The following CXXC5 variants were observed in gnomAD, a reference collection of about 807,000 sequenced individuals.
CXXC5 encodes CXXC finger protein 5, also known as CXXC-type zinc finger protein 5.
In CXXC5, 2 loss-of-function variants were observed where a neutral mutation model predicts 17.6. The ratio of observed to expected loss-of-function variants is 0.11; its 90% confidence interval spans 0.05 to 0.36. The LOEUF (loss-of-function observed/expected upper bound fraction) is 0.36, where lower values mean the gene tolerates loss of function less well. Among genes scored for constraint, CXXC5 ranks in the 10% least tolerant of loss-of-function variants. The pLI is 1.00. For missense variants in CXXC5, 343 were observed against 458.3 expected, an observed-to-expected ratio of 0.75 and a Z score of 2.30; for synonymous variants, 171 against 193.0, an observed-to-expected ratio of 0.89 and a Z score of 0.94.
In CXXC5 at chr5:139,655,028, G is replaced by T. The variant is rs541369324; in HGVS notation, c.-161+6183G>T. ...GGGAAGGAGAAGCTGGATGTCTCCC[G>T]CTCCTTCCCCAGGAGGTGCCGTGGC... On this transcript the variant is annotated intron_variant, in intron 1 of 2. Coordinates refer to ENST00000302517, the MANE Select transcript of CXXC5 (RefSeq NM_016463.9). Among the ~76,000 whole-genome samples, 4 of 152,306 alleles carry T rather than the reference G, an allele frequency of 2.6e-5. No homozygotes were observed. In the South Asian group the frequency reaches 8.3e-4, roughly 32 times the overall value.
At position 139,680,769 on chromosome 5, in the gene CXXC5, C is replaced by T. The variant is rs768589732; in HGVS notation, c.246C>T (p.Tyr82=). Reference sequence around the variant, plus strand: ...GCCGCTCCCGCCCGCTCTCCCACTACTCTTCTTTTGGCAGCAGTGGTGGTA... The same window carrying T: ...GCCGCTCCCGCCCGCTCTCCCACTATTCTTCTTTTGGCAGCAGTGGTGGTA... ...SLRRSRPLSH[Y]SSFGSSGGSG... The change falls in exon 2 of 3, where the codon TAC becomes TAT. Residue 82 remains tyrosine, a synonymous_variant. Coordinates refer to ENST00000302517, the MANE Select transcript of CXXC5 (RefSeq NM_016463.9). 1.2e-6 allele frequency: 2 copies of T among 1,613,574 alleles called. No homozygotes were observed. Among genetic ancestry groups the T allele is most frequent in the Admixed American group, 3.3e-5 (2 of 60,034 alleles).
chr5:139,660,776 G>A (rs1036143017), intron 1 of CXXC5, among the ~76,000 whole-genome samples: 4 of 150,900 alleles, frequency 2.7e-5, no homozygotes, highest in East Asian at 1.9e-4. Flanking sequence ...GAGCCAGGGC[G>A]CCTCTGGGAG....
At chr5:139,676,975 C>T (rs1168932216) in intron 1 of CXXC5, among the ~76,000 whole-genome samples, 4 of 150,258 alleles carry the variant, frequency 2.7e-5, no homozygotes, top group East Asian at 4.0e-4. Flanking sequence ...TTCCATGACT[C>T]GTCCCCCCTC....
At chr5:139,654,318 C>T (rs955865107) in intron 1 of CXXC5, among the ~76,000 whole-genome samples, 7 of 152,226 alleles carry the variant, frequency 4.6e-5, no homozygotes, top group Admixed American at 1.3e-4. Flanking sequence ...TCAGATCTGA[C>T]TCCAAATCCT....
chr5:139,682,807 G>T, intron 2 of CXXC5, 56 bp from the exon 3 acceptor site: 1 of 1,529,508 alleles, frequency 6.5e-7, no homozygotes, highest in Non-Finnish European at 8.9e-7. Flanking sequence ...TTTGCTCCAG[G>T]CCTACCCGGA....
In CXXC5 at chr5:139,668,129, C is replaced by T. The variant is rs949930338; in HGVS notation, c.-160-12235C>T. On this transcript the variant is annotated intron_variant, in intron 1 of 2. Coordinates refer to ENST00000302517, the MANE Select transcript of CXXC5 (RefSeq NM_016463.9). This position sits in a 1 kb window ranked among gnomAD's most constrained non-coding sequence, Gnocchi z 4.1. ...GGGCCTGGCCCGAGGCAAAAACCTC[C>T]CCAAATTTCCCCTGCCACTCCCTCC... 2.0e-5 allele frequency among the ~76,000 whole-genome samples: 3 copies of T among 152,158 alleles called. No homozygotes were observed. Among genetic ancestry groups the T allele is most frequent in the Non-Finnish European group, 2.9e-5 (2 of 68,008 alleles).
At chr5:139,674,616 G>A (rs909012874) in intron 1 of CXXC5, among the ~76,000 whole-genome samples, 11 of 152,190 alleles carry the variant, frequency 7.2e-5, no homozygotes, top group African/African-American at 2.7e-4. Context: ...AGTGGTGATG[G>A]TTGCACAACT....
At chr5:139,653,600 CTGTAT>C (rs1185451318) in intron 1 of CXXC5, among the ~76,000 whole-genome samples, 2 of 152,156 alleles carry the variant, frequency 1.3e-5, no homozygotes, top group Non-Finnish European at 2.9e-5. Context: ...CCACAGTCCT[CTGTAT>C]GTTGAGAAGC....
At chr5:139,666,320 C>T (rs1223378850) in intron 1 of CXXC5, among the ~76,000 whole-genome samples, 2 of 152,190 alleles carry the variant, frequency 1.3e-5, no homozygotes. Flanking sequence ...ACCCCCTTCA[C>T]CCCCATCCCT....
chr5:139,683,058 T>A lies in CXXC5; in HGVS notation c.*151T>A, dbSNP rs532322181. The A allele has an allele frequency of 8.8e-5, 53 of 602,514 alleles. No individual in the cohort carries two copies. The highest frequency in any genetic ancestry group is 4.0e-4 in the South Asian group (6 of 15,068). 37.3% of individuals were successfully genotyped at this position (602,514 alleles called of 1,614,324 possible). On this transcript the variant is annotated 3_prime_UTR_variant, in exon 3 of 3. Coordinates refer to ENST00000302517, the MANE Select transcript of CXXC5 (RefSeq NM_016463.9). ...TTCATTCCTGTTTTTATATATATAT[T>A]TTTTGTTGTCGTTTTAACATCTCCA... is the stretch of plus-strand genomic sequence containing the variant.
At chr5:139,664,294 T>G (rs1755975809) in intron 1 of CXXC5, among the ~76,000 whole-genome samples, 4 of 152,122 alleles carry the variant, frequency 2.6e-5, no homozygotes, top group Non-Finnish European at 5.9e-5. Flanking sequence ...GTTAGGCCTG[T>G]GGAAGCTGCC....
rs1005110599 is a variant in CXXC5, at chr5:139,658,433, C to T, written c.-161+9588C>T. Among the ~76,000 whole-genome samples, 1 of 152,226 alleles carries T rather than the reference C, an allele frequency of 6.6e-6. No individual in the cohort carries two copies. The highest frequency in any genetic ancestry group is 1.5e-5 in the Non-Finnish European group (1 of 68,040). ...TAGGGGTCAGGCTGCCCTGAGGTCA[C>T]AGGGCCTCTTGTCCTCAGGTGACAT... On this transcript the variant is annotated intron_variant, in intron 1 of 2. Coordinates refer to ENST00000302517, the MANE Select transcript of CXXC5 (RefSeq NM_016463.9). The surrounding 1 kb of genome is among the most constrained non-coding windows in gnomAD (Gnocchi z 4.1).
rs1375032461 is a variant in CXXC5, at chr5:139,661,388, C to T, written c.-161+12543C>T. ...TTAGGACAGACACAGTCACTTGCAG[C>T]ACACGTAGTTCCACACGACTCAGCA... On this transcript the variant is annotated intron_variant, in intron 1 of 2. Coordinates refer to ENST00000302517, the MANE Select transcript of CXXC5 (RefSeq NM_016463.9). This position sits in a 1 kb window ranked among gnomAD's most constrained non-coding sequence, Gnocchi z 4.7. Among the ~76,000 whole-genome samples the T allele has an allele frequency of 6.6e-6, 1 of 152,132 alleles. No individual in the cohort carries two copies. Among genetic ancestry groups the T allele is most frequent in the Non-Finnish European group, 1.5e-5 (1 of 68,032 alleles).
intron 1 of CXXC5, among the ~76,000 whole-genome samples, chr5:139,674,187 C>G (rs186137018): frequency 6.6e-6 from 1 of 152,326 alleles, no homozygotes; most frequent in East Asian, 1.9e-4. Flanking sequence ...AGACCAGTCT[C>G]CCTGGGCTTG....
At chr5:139,662,103 TGGG>T (rs1755852574) in intron 1 of CXXC5, among the ~76,000 whole-genome samples, 1 of 151,970 alleles carries the variant, frequency 6.6e-6, no homozygotes, top group Non-Finnish European at 1.5e-5. Flanking sequence ...GTGCCAGAGA[TGGG>T]GGGAAGAATG....
rs764274187 is a variant in CXXC5 at position 139,670,780 on chromosome 5, C to T, written c.-160-9584C>T. On this transcript the variant is annotated intron_variant, in intron 1 of 2. Coordinates refer to ENST00000302517, the MANE Select transcript of CXXC5 (RefSeq NM_016463.9). The surrounding 1 kb of genome is among the most constrained non-coding windows in gnomAD (Gnocchi z 4.2). Reference sequence around the variant, plus strand: ...TCACAGAGTCAAAGATCTCCCCCAGCACTGCTACATGATCCCCATATATGC... The same window carrying T: ...TCACAGAGTCAAAGATCTCCCCCAGTACTGCTACATGATCCCCATATATGC... 1.8e-4 allele frequency among the ~76,000 whole-genome samples: 28 copies of T among 152,240 alleles called. No individual in the cohort carries two copies. The highest frequency in any genetic ancestry group is 3.4e-4 in the Non-Finnish European group (23 of 68,054).
chr5:139,652,161 CGCGCGCGCGCGTGT>C (rs1436936715), intron 1 of CXXC5, among the ~76,000 whole-genome samples: 3 of 126,386 alleles, frequency 2.4e-5, no homozygotes, highest in Admixed American at 7.5e-5. Context: ...CGCGCGCGCG[CGCGCGCGCGCGTGT>C]GTGTGTGTGT....
At position 139,661,868 on chromosome 5, in the gene CXXC5, G is replaced by A. The variant is rs1755837286; in HGVS notation, c.-161+13023G>A. Among the ~76,000 whole-genome samples, 1 of 152,270 alleles carries A rather than the reference G, an allele frequency of 6.6e-6. No individual in the cohort carries two copies. On this transcript the variant is annotated intron_variant, in intron 1 of 2. Coordinates refer to ENST00000302517, the MANE Select transcript of CXXC5 (RefSeq NM_016463.9). The surrounding 1 kb of genome is among the most constrained non-coding windows in gnomAD (Gnocchi z 4.7). ...CCAACCTGGCTCTGCCCTCTCTGGG[G>A]AGGAGGTCCAAGTATCAGGCATGAG...
upstream of CXXC5, chr5:139,647,420 G>A (rs974019126): frequency 6.6e-6 from 1 of 152,188 alleles, no homozygotes; most frequent in Non-Finnish European, 1.5e-5. Context: ...ATATGAGCCC[G>A]GGGCTTGCAC....
Sources: gnomAD v4.1 joint callset for allele counts (sites outside exome capture counted in the v4.1 genomes callset) on GRCh38, gnomAD v4.1.1 for gene constraint, Gnocchi (gnomAD v3.1) non-coding constraint, MANE v1.5 for transcripts, NCBI Gene and HGNC (gene_info 2026-07-23, HGNC 2026-07-21) for gene names.